The following TMEM200A variants were observed in gnomAD, a reference collection of about 807,000 sequenced individuals.
TMEM200A encodes transmembrane protein 200A, also known as two transmembrane C.
Under a neutral mutation model 24.3 loss-of-function variants are expected in TMEM200A, and 12 were observed. The observed-to-expected ratio is 0.49, with a 90% CI of 0.32 to 0.80. TMEM200A has a LOEUF of 0.80. Among genes scored for constraint, TMEM200A ranks in the 30% least tolerant of loss-of-function variants. The pLI, the probability that TMEM200A is intolerant of heterozygous loss-of-function variation, is 0.04. For missense variants in TMEM200A, 545 were observed against 614.4 expected (o/e 0.89, Z 1.19); for synonymous variants, 224 against 224.4 (o/e 1.00, Z 0.02).
rs1349933053 is a variant in TMEM200A at position 130,441,786 on chromosome 6, C to A, written c.1364C>A (p.Thr455Asn). ...CAAGTTGCCATCAAAAAGGACTTTA[C>A]CAATAAGGAGAAGCTTCTTATGATT... ...VPQVAIKKDF[T>N]NKEKLLMISR... The change falls in exon 3 of 3, where the codon ACC (threonine) becomes AAC (asparagine). Residue 455 changes from threonine (T) to asparagine (N), a missense_variant. Physicochemically the swap from Thr to Asn is moderately conservative, Grantham distance 65. Coordinates refer to ENST00000296978, the MANE Select transcript of TMEM200A (RefSeq NM_001258277.2). 9 of 1,613,908 alleles carry A rather than the reference C, an allele frequency of 5.6e-6. No individual in the cohort carries two copies. The highest frequency in any genetic ancestry group is 1.3e-5 in the African/African-American group (1 of 74,896).
intron 1 of TMEM200A, among the ~76,000 whole-genome samples, chr6:130,367,854 C>T (rs1161898216): frequency 6.6e-6 from 1 of 152,124 alleles, no homozygotes; most frequent in African/African-American, 2.4e-5. Context: ...CTAGATAGCT[C>T]ATAATTATGA....
intron 2 of TMEM200A, among the ~76,000 whole-genome samples, chr6:130,424,831 C>T (rs144163874): frequency 0.018 from 2,777 of 152,142 alleles, 23 homozygotes; most frequent in Non-Finnish European, 0.027. Context: ...GCTTCTTAAG[C>T]CTAAACCCCA....
At chr6:130,371,521 G>C (rs1778321239) in intron 1 of TMEM200A, among the ~76,000 whole-genome samples, 1 of 152,124 alleles carries the variant, frequency 6.6e-6, no homozygotes, top group Non-Finnish European at 1.5e-5. Context: ...ACCAGCTAAA[G>C]GTTGGCCCTT....
At chr6:130,365,971 C>A, upstream of TMEM200A, 2 of 985,734 alleles carry the variant, frequency 2.0e-6, no homozygotes, top group Non-Finnish European at 1.2e-6. Flanking sequence ...CCGCCCCCAA[C>A]CCGCCTCTTC....
At chr6:130,374,318 T>G (rs1778389805) in intron 1 of TMEM200A, among the ~76,000 whole-genome samples, 1 of 152,220 alleles carries the variant, frequency 6.6e-6, no homozygotes, top group South Asian at 2.1e-4. Flanking sequence ...CCTGTAACTG[T>G]TTTGTCCATG....
At chr6:130,429,290 G>A (rs188806247) in intron 2 of TMEM200A, among the ~76,000 whole-genome samples, 388 of 152,280 alleles carry the variant, frequency 2.5e-3, no homozygotes, top group African/African-American at 9.0e-3. Context: ...GGAAGGCCGA[G>A]GTGGGCGGAT....
At chr6:130,398,984 A>G (rs1779019921) in intron 2 of TMEM200A, among the ~76,000 whole-genome samples, 1 of 151,950 alleles carries the variant, frequency 6.6e-6, no homozygotes, top group Non-Finnish European at 1.5e-5. Context: ...ATGATCCATG[A>G]GTGTAAACAC....
chr6:130,432,038 A>T (rs983572042), intron 2 of TMEM200A, among the ~76,000 whole-genome samples: 2 of 152,218 alleles, frequency 1.3e-5, no homozygotes, highest in Admixed American at 1.3e-4. Context: ...GTAGACCAGC[A>T]AAGATCTTCA....
At chr6:130,405,862 C>A (rs1053793760) in intron 2 of TMEM200A, among the ~76,000 whole-genome samples, 1 of 152,192 alleles carries the variant, frequency 6.6e-6, no homozygotes, top group Non-Finnish European at 1.5e-5. Context: ...ACATGCTTAA[C>A]ACTTCACTGG....
intron 2 of TMEM200A, among the ~76,000 whole-genome samples, chr6:130,428,390 C>T (rs1779797062): frequency 6.6e-6 from 1 of 152,128 alleles, no homozygotes; most frequent in African/African-American, 2.4e-5. Flanking sequence ...TCTTCCTATA[C>T]TTTATCCTCC....
chr6:130,401,393 CTT>C (rs66470016), intron 2 of TMEM200A, among the ~76,000 whole-genome samples: 42,609 of 148,680 alleles, frequency 0.29, 9,414 homozygotes, highest in African/African-American at 0.62. Context: ...TTGCTTGCTT[CTT>C]TCTTTCTTTT....
At chr6:130,408,208 C>T (rs1779250794) in intron 2 of TMEM200A, among the ~76,000 whole-genome samples, 1 of 152,224 alleles carries the variant, frequency 6.6e-6, no homozygotes, top group African/African-American at 2.4e-5. Context: ...GGCTTCGAAA[C>T]CCAATGAGGG....
chr6:130,406,173 T>G (rs1011158955), intron 2 of TMEM200A, among the ~76,000 whole-genome samples: 1 of 152,164 alleles, frequency 6.6e-6, no homozygotes, highest in African/African-American at 2.4e-5. Flanking sequence ...TATAGCCGAG[T>G]TTTTTTCTGT....
intron 2 of TMEM200A, among the ~76,000 whole-genome samples, chr6:130,405,785 A>C (rs1248233899): frequency 1.3e-5 from 2 of 152,066 alleles, no homozygotes; most frequent in Non-Finnish European, 2.9e-5. Context: ...TGCCCTCCCC[A>C]GGCTTCCTGA....
chr6:130,366,294 C>G lies in TMEM200A; in HGVS notation c.-311C>G. ...ACCCTCCGTCCGCTTGCACCCCTTG[C>G]CACCCGCCCCCTCGCCTGACTCATC... On this transcript the variant is annotated 5_prime_UTR_variant, in exon 1 of 3. Coordinates refer to ENST00000296978, the MANE Select transcript of TMEM200A (RefSeq NM_001258277.2). The surrounding 1 kb of genome is among the most constrained non-coding windows in gnomAD (Gnocchi z 4.4). 1.0e-6 allele frequency: 1 copy of G among 980,182 alleles called. No homozygotes were observed. The highest frequency in any genetic ancestry group is 1.2e-6 in the Non-Finnish European group (1 of 826,582). The allele number at this position is 980,182 out of a possible 1,614,324, so 60.7% of individuals were successfully genotyped here.
At chr6:130,424,113 T>A (rs1442618442) in intron 2 of TMEM200A, among the ~76,000 whole-genome samples, 1 of 147,514 alleles carries the variant, frequency 6.8e-6, no homozygotes, top group Non-Finnish European at 1.5e-5. Context: ...TTCTTTCTCA[T>A]CTGTTTTCTC....
intron 2 of TMEM200A, among the ~76,000 whole-genome samples, chr6:130,392,866 C>A (rs1778867022): frequency 6.6e-6 from 1 of 152,154 alleles, no homozygotes; most frequent in South Asian, 2.1e-4. Flanking sequence ...TGATTTATTT[C>A]CCCCACTAAA....
At chr6:130,386,353 A>G (rs1562553164) in intron 2 of TMEM200A, among the ~76,000 whole-genome samples, 2 of 152,150 alleles carry the variant, frequency 1.3e-5, no homozygotes, top group Non-Finnish European at 2.9e-5. Flanking sequence ...CGGGGCTGAA[A>G]ACTGCTGTGG....
intron 1 of TMEM200A, among the ~76,000 whole-genome samples, chr6:130,370,687 A>G (rs1215317965): frequency 1.3e-5 from 2 of 152,118 alleles, no homozygotes; most frequent in Non-Finnish European, 1.5e-5. Context: ...AAACTTTATT[A>G]AAAGGAGGAT....
Sources: allele counts gnomAD v4.1 joint callset (sites outside exome capture counted in the v4.1 genomes callset), GRCh38; gene constraint gnomAD v4.1.1; non-coding constraint Gnocchi (gnomAD v3.1); transcripts MANE v1.5; gene names NCBI Gene and HGNC (gene_info 2026-07-23, HGNC 2026-07-21).